SAMD12: variants seen among roughly 807,000 people sequenced by gnomAD.
SAMD12 encodes sterile alpha motif domain-containing protein 12.
Under a neutral mutation model 15.0 loss-of-function variants are expected in SAMD12, and 9 were observed. That is an observed-to-expected ratio of 0.60 (90% confidence interval 0.36 to 1.05). The LOEUF is 1.05. Ranked by LOEUF, SAMD12 falls within the 50% of genes least tolerant of loss-of-function variation. The pLI is 0.01. For synonymous variants in SAMD12, 86 were observed against 90.1 expected (o/e 0.96, Z 0.25); for missense variants, 230 against 234.2 (o/e 0.98, Z 0.12).
At chr8:118,242,952 T>C (rs796721751) in intron 4 of SAMD12, among the ~76,000 whole-genome samples, 3 of 152,300 alleles carry the variant, frequency 2.0e-5, no homozygotes, top group African/African-American at 2.4e-5. Flanking sequence ...TGGGCTACAA[T>C]CTGGCAACAT....
At chr8:118,261,863 T>C (rs1395690207) in intron 4 of SAMD12, among the ~76,000 whole-genome samples, 1 of 152,000 alleles carries the variant, frequency 6.6e-6, no homozygotes, top group Non-Finnish European at 1.5e-5. Context: ...ATTTGCAATT[T>C]CTTTTCTTTT....
intron 4 of SAMD12, among the ~76,000 whole-genome samples, chr8:118,309,154 T>C (rs1354196880): frequency 6.6e-6 from 1 of 152,120 alleles, no homozygotes; most frequent in East Asian, 1.9e-4. Flanking sequence ...TTCCACCCTT[T>C]CTCCTGAGTC....
chr8:118,247,464 GTTAA>G (rs1812722918), intron 4 of SAMD12, among the ~76,000 whole-genome samples: 1 of 151,856 alleles, frequency 6.6e-6, no homozygotes, highest in East Asian at 1.9e-4. Flanking sequence ...TGACAGATAT[GTTAA>G]TTAGTCTGAT....
At chr8:118,417,376 G>C (rs1479480938) in intron 3 of SAMD12, among the ~76,000 whole-genome samples, 1 of 152,152 alleles carries the variant, frequency 6.6e-6, no homozygotes, top group African/African-American at 2.4e-5. Flanking sequence ...GAGCCACTGT[G>C]CCCAGAAAGA....
At chr8:118,211,578 T>C (rs1811827034) in intron 4 of SAMD12, among the ~76,000 whole-genome samples, 1 of 152,276 alleles carries the variant, frequency 6.6e-6, no homozygotes, top group African/African-American at 2.4e-5. Flanking sequence ...CCTACTTCTG[T>C]TCTGAAGAGT....
intron 1 of SAMD12, among the ~76,000 whole-genome samples, chr8:118,605,384 C>G (rs1303634800): frequency 6.6e-6 from 1 of 152,114 alleles, no homozygotes; most frequent in East Asian, 1.9e-4. Flanking sequence ...TTAAGATTTG[C>G]TAGAATAGCT....
intron 2 of SAMD12, among the ~76,000 whole-genome samples, chr8:118,449,212 A>G (rs7826372): frequency 0.024 from 3,637 of 151,986 alleles, 129 homozygotes; most frequent in African/African-American, 0.083. Flanking sequence ...ACAGGTGCCC[A>G]CAACCATGCT....
intron 2 of SAMD12, among the ~76,000 whole-genome samples, chr8:118,531,476 T>G (rs559296143): frequency 9.8e-5 from 15 of 152,330 alleles, no homozygotes; most frequent in Non-Finnish European, 2.1e-4. Flanking sequence ...AAGTCATTGA[T>G]AGCTTGATGG....
the SAMD12 span, among the ~76,000 whole-genome samples, chr8:118,181,782 A>G: frequency 2.6e-5 from 4 of 152,220 alleles, no homozygotes; most frequent in African/African-American, 2.4e-5. Context: ...CAGCCGAAAG[A>G]GTCCTGACCA....
chr8:118,297,062 C>T (rs927293140), intron 4 of SAMD12, among the ~76,000 whole-genome samples: 4 of 152,108 alleles, frequency 2.6e-5, no homozygotes, highest in Admixed American at 2.6e-4. Flanking sequence ...GACTGATAGA[C>T]AACTATTAAT....
the SAMD12 span, among the ~76,000 whole-genome samples, chr8:118,145,412 T>A: frequency 6.6e-6 from 1 of 152,250 alleles, no homozygotes; most frequent in Non-Finnish European, 1.5e-5. Context: ...CAAAACATCA[T>A]TCAATGTTGA....
At chr8:118,569,831 A>G (rs1007996600) in intron 2 of SAMD12, among the ~76,000 whole-genome samples, 1 of 152,232 alleles carries the variant, frequency 6.6e-6, no homozygotes, top group African/African-American at 2.4e-5. Flanking sequence ...CCAAGTCTCC[A>G]GTAATTTGTT....
chr8:118,350,377 G>T (rs115294702), intron 4 of SAMD12, among the ~76,000 whole-genome samples: 1,970 of 152,220 alleles, frequency 0.013, 40 homozygotes, highest in African/African-American at 0.044. Context: ...TAACTTGATA[G>T]CAATGTTAAC....
intron 2 of SAMD12, among the ~76,000 whole-genome samples, chr8:118,465,905 C>T (rs1823582365): frequency 6.6e-6 from 1 of 152,106 alleles, no homozygotes; most frequent in Non-Finnish European, 1.5e-5. Context: ...CAAAATCCAT[C>T]TGGGATTAGT....
At chr8:118,193,608 C>G (rs939770362) in exon 5 of SAMD12, 1 of 152,148 alleles carries the variant, frequency 6.6e-6, no homozygotes, top group African/African-American at 2.4e-5. Context: ...TTATTAATCC[C>G]TACCTCACTG....
intron 4 of SAMD12, among the ~76,000 whole-genome samples, chr8:118,288,696 A>G (rs1814192974): frequency 2.0e-5 from 3 of 152,334 alleles, no homozygotes; most frequent in Non-Finnish European, 4.4e-5. Context: ...TCCATTTAGT[A>G]TTTATTTGCT....
At chr8:118,261,660 G>A (rs1184236808) in intron 4 of SAMD12, among the ~76,000 whole-genome samples, 1 of 148,494 alleles carries the variant, frequency 6.7e-6, no homozygotes, top group African/African-American at 2.5e-5. Flanking sequence ...ACTTTCCCAT[G>A]CTCTCAGTGA....
Position 118,216,582 on chromosome 8 carries a change from T to C in SAMD12, c.434-18850A>G, listed in dbSNP as rs191217064. On this transcript the variant is annotated intron_variant, in intron 4 of 4. Coordinates refer to the SAMD12 transcript ENST00000409003. ...TTTACTCAGAACAAGTTCTGTGAAG[T>C]AAGTAGCAGCATAGAAGTAGCCAAG... Among the ~76,000 whole-genome samples, 3 of 152,326 alleles carry C rather than the reference T, an allele frequency of 2.0e-5. No homozygotes were observed. The East Asian group carries it at 5.8e-4, about 29-fold the overall frequency.
At chr8:118,563,903 C>T (rs1481555217) in intron 2 of SAMD12, among the ~76,000 whole-genome samples, 1 of 152,178 alleles carries the variant, frequency 6.6e-6, no homozygotes, top group Non-Finnish European at 1.5e-5. Flanking sequence ...CACAGGGTGC[C>T]ATCCTCAACA....
Sources: gnomAD v4.1 joint callset for allele counts (sites outside exome capture counted in the v4.1 genomes callset) on GRCh38, gnomAD v4.1.1 for gene constraint, MANE v1.5 for transcripts, NCBI Gene and HGNC (gene_info 2026-07-23, HGNC 2026-07-21) for gene names.